SRBD1: variants seen among roughly 807,000 people sequenced by gnomAD.
The protein encoded by SRBD1 is S1 RNA-binding domain-containing protein 1.
In SRBD1, 88 loss-of-function variants were observed where a neutral mutation model predicts 115.3. That is an observed-to-expected ratio of 0.76 (90% CI 0.64 to 0.91). The LOEUF (loss-of-function observed/expected upper bound fraction) is 0.91, where lower values mean the gene tolerates loss of function less well. SRBD1 is among the 40% of genes least tolerant of loss of function. The pLI, the probability that SRBD1 is intolerant of heterozygous loss-of-function variation, is 0.00. For synonymous variants in SRBD1, 509 were observed against 407.7 expected (o/e 1.25, Z -2.99); for missense variants, 1,385 against 1,177.4 (o/e 1.18, Z -2.58).
chr2:45,575,947 G>A (rs1673162176), intron 7 of SRBD1, among the ~76,000 whole-genome samples: 1 of 152,056 alleles, frequency 6.6e-6, no homozygotes, highest in Admixed American at 6.5e-5. Context: ...CAAGTGATCT[G>A]CCCCCCTCAG....
intron 9 of SRBD1, among the ~76,000 whole-genome samples, chr2:45,569,000 A>G (rs542338833): frequency 1.3e-3 from 193 of 152,366 alleles, no homozygotes; most frequent in Non-Finnish European, 2.4e-3. Flanking sequence ...AATTTTAGAT[A>G]TAATAGTGAA....
rs576063723 is a variant in SRBD1 at position 45,560,254 on chromosome 2, T to TA, written c.1409+2398dup. On this transcript the variant is annotated intron_variant, in intron 10 of 20. Transcript: ENST00000263736. ...TAAGCCATGGAAAAATAAATCACTG[T>TA]AAAAAAATTCCTTGACATTTACTTA... 1.1e-3 allele frequency among the ~76,000 whole-genome samples: 170 copies of TA among 152,228 alleles called. 1 individual carries two copies. The highest frequency in any genetic ancestry group is 1.8e-3 in the African/African-American group (76 of 41,548).
At chr2:45,408,137 CT>C (rs1444840411) in intron 19 of SRBD1, among the ~76,000 whole-genome samples, 2 of 152,108 alleles carry the variant, frequency 1.3e-5, no homozygotes, top group Non-Finnish European at 2.9e-5. Flanking sequence ...AACAAAAATT[CT>C]TTTAATAGAA....
chr2:45,464,876 A>G (rs1669432739), intron 16 of SRBD1, among the ~76,000 whole-genome samples: 1 of 152,158 alleles, frequency 6.6e-6, no homozygotes, highest in African/African-American at 2.4e-5. Flanking sequence ...ATAAAATAAG[A>G]AAAAAAGGCT....
In SRBD1 at chr2:45,605,362, A is replaced by G. The variant is rs756519868; in HGVS notation, c.80T>C (p.Leu27Ser). 6.2e-7 allele frequency: 1 copy of G among 1,612,998 alleles called. No homozygotes were observed. The highest frequency in any genetic ancestry group is 1.1e-5 in the South Asian group (1 of 91,010). ...LKDEFSSFSE[L>S]SSASEEDDKE... is the part of the protein sequence containing the mutation. ...CCACATATTAAACCAGTATGCTTACAACTCAGAGAATGAAGAAAATTCATC... is the reference window on the plus strand; with the variant it reads ...CCACATATTAAACCAGTATGCTTACGACTCAGAGAATGAAGAAAATTCATC... Residue 27 changes from leucine (L) to serine (S), a missense_variant and splice_region_variant, in exon 2 of 21, where the codon TTA becomes TCA. Transcript: ENST00000263736.
intron 16 of SRBD1, among the ~76,000 whole-genome samples, chr2:45,475,859 C>T (rs112876297): frequency 2.8e-4 from 43 of 152,240 alleles, no homozygotes; most frequent in African/African-American, 9.6e-4. Context: ...CCACCATACC[C>T]GGCTAATTTT....
chr2:45,599,623 G>A lies in SRBD1; in HGVS notation c.474C>T (p.Ser158=). The change falls in exon 4 of 21, where the codon AGC becomes AGT. Residue 158 remains serine, a synonymous_variant. Transcript: ENST00000263736. The stretch of plus-strand genomic sequence containing the variant: ...TCTTGCATGTACCTCCCCACACAGT[G>A]CTTGTGGATGGTGTCTCTGAACTAT... The part of the protein sequence containing the change: ...ESNSSETPST[S]TVWGGTCKKE... The A allele has an allele frequency of 6.2e-7, 1 of 1,614,210 alleles. No individual in the cohort carries two copies. Among genetic ancestry groups the A allele is most frequent in the Non-Finnish European group, 8.5e-7 (1 of 1,180,040 alleles).
chr2:45,544,811 T>C (rs1268568142), intron 14 of SRBD1, among the ~76,000 whole-genome samples: 2 of 152,128 alleles, frequency 1.3e-5, no homozygotes, highest in African/African-American at 4.8e-5. Flanking sequence ...AACACACTCA[T>C]AAAAAAACAT....
At chr2:45,451,887 TAAATGAGAGGTAAAAATA>T (rs1363789607) in intron 16 of SRBD1, among the ~76,000 whole-genome samples, 107 of 151,930 alleles carry the variant, frequency 7.0e-4, no homozygotes, top group Admixed American at 2.9e-3. Flanking sequence ...TTCTTTTACA[TAAATGAGAGGTAAAAATA>T]AAATGAGAGG....
chr2:45,418,211 C>A (rs1263389274), intron 18 of SRBD1, among the ~76,000 whole-genome samples, 154 bp downstream of exon 18: 1 of 152,046 alleles, frequency 6.6e-6, no homozygotes, highest in Non-Finnish European at 1.5e-5. Context: ...TGTTGTATTC[C>A]CAATGCCTAC....
At chr2:45,434,657 T>A (rs1668435120) in intron 16 of SRBD1, among the ~76,000 whole-genome samples, 1 of 152,184 alleles carries the variant, frequency 6.6e-6, no homozygotes, top group African/African-American at 2.4e-5. Flanking sequence ...TCAATTAGAA[T>A]GTCAAGGGTC....
chr2:45,593,745 G>C (rs968889384), intron 4 of SRBD1, among the ~76,000 whole-genome samples: 1 of 152,134 alleles, frequency 6.6e-6, no homozygotes. Flanking sequence ...AAAAGCTGTT[G>C]ATTTCTGCTG....
chr2:45,537,113 A>G (rs1033777524), intron 14 of SRBD1, among the ~76,000 whole-genome samples: 9 of 152,192 alleles, frequency 5.9e-5, no homozygotes, highest in Non-Finnish European at 2.9e-5. Context: ...ACAAGTTACA[A>G]TCTGAAAAAC....
At chr2:45,440,647 T>C (rs1408400272) in intron 16 of SRBD1, among the ~76,000 whole-genome samples, 1 of 152,202 alleles carries the variant, frequency 6.6e-6, no homozygotes, top group African/African-American at 2.4e-5. Flanking sequence ...TAAATCTCTA[T>C]TTTTAGAGAT....
At chr2:45,575,071 CAG>C (rs1673136541) in intron 7 of SRBD1, among the ~76,000 whole-genome samples, 1 of 152,172 alleles carries the variant, frequency 6.6e-6, no homozygotes, top group African/African-American at 2.4e-5. Context: ...GGAATCATAA[CAG>C]TACCTCCTTT....
intron 16 of SRBD1, 73 bp downstream of exon 16, chr2:45,476,920 T>C (rs1275884728): frequency 2.5e-5 from 34 of 1,375,614 alleles, no homozygotes; most frequent in Non-Finnish European, 3.5e-5. Context: ...AGACACTTAA[T>C]TACTATCCCA....
rs752080274 is a variant in SRBD1 at position 45,599,543 on chromosome 2, T to A, written c.554A>T (p.Lys185Met). The change falls in exon 4 of 21, where the codon AAG becomes ATG. Residue 185 changes from lysine (K) to methionine (M), a missense_variant. Transcript: ENST00000263736. ...TFGQSALKKI[K>M]TETYPQGQPV... Reference sequence around the variant, plus strand: ...CTGCCCCTGAGGATATGTCTCAGTCTTGATTTTCTTTAAAGCGGACTGACC... The same window carrying A: ...CTGCCCCTGAGGATATGTCTCAGTCATGATTTTCTTTAAAGCGGACTGACC... 15 of 1,614,124 alleles carry A rather than the reference T, an allele frequency of 9.3e-6. No individual in the cohort carries two copies. The East Asian group carries it at 2.9e-4, about 31-fold the overall frequency.
chr2:45,416,015 T>G (rs1558565333), intron 18 of SRBD1, among the ~76,000 whole-genome samples: 1 of 151,600 alleles, frequency 6.6e-6, no homozygotes, highest in Admixed American at 6.6e-5. Flanking sequence ...TAAGGAGAGA[T>G]AAAGATGAGA....
At position 45,590,467 on chromosome 2, in the gene SRBD1, TGTAATCCCC is replaced by T. The variant is rs1673685585; in HGVS notation, c.649-4702_649-4694del. 2.0e-5 allele frequency among the ~76,000 whole-genome samples: 3 copies of T among 152,204 alleles called. No homozygotes were observed. The South Asian group carries it at 6.2e-4, about 31-fold the overall frequency. On this transcript the variant is annotated intron_variant, in intron 4 of 20. Transcript: ENST00000263736. ...TCCCCACCCAAATCTCACCTTGATT[TGTAATCCCC>T]ATAATCCCCACGTGTCAAGGGCAGA... is the stretch of plus-strand genomic sequence containing the variant.
Sources: gnomAD v4.1 joint callset for allele counts (sites outside exome capture counted in the v4.1 genomes callset) on GRCh38, gnomAD v4.1.1 for gene constraint, MANE v1.5 for transcripts, NCBI Gene and HGNC (gene_info 2026-07-23, HGNC 2026-07-21) for gene names.